The following CYB561A3 variants were observed in gnomAD, a reference collection of about 807,000 sequenced individuals.
CYB561A3 encodes cytochrome b561 family member A3.
In CYB561A3, 16 loss-of-function variants were observed where a neutral mutation model predicts 25.3. That is an observed-to-expected ratio of 0.63 (90% CI 0.43 to 0.96). The LOEUF (loss-of-function observed/expected upper bound fraction) is 0.96. Ranked by LOEUF, CYB561A3 falls within the 40% of genes least tolerant of loss-of-function variation. The pLI is 0.00. For synonymous variants in CYB561A3, 131 were observed against 129.9 expected (o/e 1.01, Z -0.06); for missense variants, 219 against 307.5 (o/e 0.71, Z 2.15).
At position 61,353,777 on chromosome 11, in the gene CYB561A3, A is replaced by C; in HGVS notation, c.393+7T>G. ...GAACCTCGAGGAGGAGAACAGAGAGAACCCACCTGGCAGGCGAAGAGGAAG... is the reference window on the plus strand; with the variant it reads ...GAACCTCGAGGAGGAGAACAGAGAGCACCCACCTGGCAGGCGAAGAGGAAG... On this transcript the variant is annotated splice_region_variant and intron_variant, in intron 4 of 6. Transcript: ENST00000294072. The C allele has an allele frequency of 1.2e-6, 2 of 1,614,128 alleles. No individual in the cohort carries two copies. Among genetic ancestry groups the C allele is most frequent in the Non-Finnish European group, 1.7e-6 (2 of 1,180,024 alleles).
rs1031490842 is a variant in CYB561A3, at chr11:61,350,361, G to A, written c.*38C>T. 6.2e-7 allele frequency: 1 copy of A among 1,602,520 alleles called. No homozygotes were observed. The highest frequency in any genetic ancestry group is 8.5e-7 in the Non-Finnish European group (1 of 1,175,152). ...AGAGCTTCTGAGGGGAGCACAGGCTGCACCACCAGGAGCTCTTGGGAGCCC... is the reference window on the plus strand; with the variant it reads ...AGAGCTTCTGAGGGGAGCACAGGCTACACCACCAGGAGCTCTTGGGAGCCC... On this transcript the variant is annotated 3_prime_UTR_variant, in exon 7 of 7. Transcript: ENST00000294072.
chr11:61,356,235 C>G, intron 3 of CYB561A3: 1 of 396,226 alleles, frequency 2.5e-6, no homozygotes. Flanking sequence ...AATACAGTGG[C>G]AGAGCTGAGT....
intron 6 of CYB561A3, 155 bp downstream of exon 6, chr11:61,350,836 G>T: frequency 9.2e-7 from 1 of 1,083,556 alleles, no homozygotes; most frequent in Non-Finnish European, 1.3e-6. Flanking sequence ...TGGGACCAGT[G>T]CTCCCCATCA....
At chr11:61,352,834 G>C (rs562129021) in intron 5 of CYB561A3, 151 bp downstream of exon 5, 1 of 1,473,124 alleles carries the variant, frequency 6.8e-7, no homozygotes, top group East Asian at 2.4e-5. Context: ...TCAACCTAAA[G>C]AAAGATCAAT....
intron 3 of CYB561A3, 126 bp from the exon 4 acceptor site, chr11:61,354,118 A>T: frequency 2.1e-6 from 2 of 957,268 alleles, no homozygotes; most frequent in Non-Finnish European, 3.1e-6. Context: ...GGGCACTGGT[A>T]TCAACTCCTC....
rs780247040 is a variant in CYB561A3 at position 61,349,548 on chromosome 11, G to T, written c.*851C>A. The T allele has an allele frequency of 2.8e-6, 2 of 702,984 alleles. No homozygotes were observed. Among genetic ancestry groups the T allele is most frequent in the South Asian group, 1.5e-5 (1 of 67,594 alleles). The allele number at this position is 702,984 out of a possible 1,614,324, so 43.5% of individuals were successfully genotyped here. On this transcript the variant is annotated 3_prime_UTR_variant, in exon 7 of 7. Transcript: ENST00000294072. ...ATCTGGGGACAGGCTCTGTTCTTGGGAGAGCAGGTCACCAGGATTTGTAGG... is the reference window on the plus strand; with the variant it reads ...ATCTGGGGACAGGCTCTGTTCTTGGTAGAGCAGGTCACCAGGATTTGTAGG...
intron 3 of CYB561A3, among the ~76,000 whole-genome samples, chr11:61,355,181 C>CT (rs1218460946): frequency 4.6e-5 from 7 of 152,026 alleles, no homozygotes; most frequent in Non-Finnish European, 1.0e-4. Flanking sequence ...CCTCTCCTGT[C>CT]TAACTCTCAA....
chr11:61,353,216 C>G, intron 4 of CYB561A3, 77 bp from the exon 5 acceptor site: 1 of 1,487,396 alleles, frequency 6.7e-7, no homozygotes, highest in Non-Finnish European at 9.0e-7. Context: ...GTGCCTCCTC[C>G]CCATCTCTGC....
chr11:61,353,166 G>C, intron 4 of CYB561A3, 27 bp from the exon 5 acceptor site: 1 of 1,577,554 alleles, frequency 6.3e-7, no homozygotes, highest in Non-Finnish European at 8.6e-7. Flanking sequence ...GGACACACCC[G>C]ACTGTGCTAT....
chr11:61,355,058 C>T (rs1247809924), intron 3 of CYB561A3, among the ~76,000 whole-genome samples: 3 of 151,796 alleles, frequency 2.0e-5, no homozygotes, highest in African/African-American at 7.3e-5. Flanking sequence ...TTAGTAGAGA[C>T]GGGGTTTCAC....
chr11:61,350,675 A>AATCACAC (rs1857359410), intron 6 of CYB561A3: 1 of 599,818 alleles, frequency 1.7e-6, no homozygotes, highest in African/African-American at 1.9e-5. Flanking sequence ...GTAAAGGAGA[A>AATCACAC]ATCACACACC....
chr11:61,357,091 A>G (rs1857678996), intron 2 of CYB561A3: 1 of 1,461,984 alleles, frequency 6.8e-7, no homozygotes, highest in Non-Finnish European at 9.4e-7. Flanking sequence ...CCCCCAGGAA[A>G]AAAGGGACAG....
At position 61,350,288 on chromosome 11, in the gene CYB561A3, T is replaced by G; in HGVS notation, c.*111A>C. ...CCAGGCAAGAAGTCTGGGCCCAGCA[T>G]TGGAAGAAAGTCGCCTGCTGAAACC... On this transcript the variant is annotated 3_prime_UTR_variant, in exon 7 of 7. Coordinates refer to ENST00000294072, the MANE Select transcript of CYB561A3 (RefSeq NM_153611.6). 1.4e-6 allele frequency: 2 copies of G among 1,397,774 alleles called. No individual in the cohort carries two copies. Among genetic ancestry groups the G allele is most frequent in the Non-Finnish European group, 2.0e-6 (2 of 1,022,372 alleles). 86.6% of individuals were successfully genotyped at this position (1,397,774 alleles called of 1,614,324 possible).
rs1857309136 is a variant in CYB561A3 at position 61,349,739 on chromosome 11, C to T, written c.*660G>A. ...AGAGCGGTCAGCTCCTCAGCAGAAG[C>T]TGCGTGGGCCGCCACTCCCCCTTTC... On this transcript the variant is annotated 3_prime_UTR_variant, in exon 7 of 7. Transcript: ENST00000294072. The T allele has an allele frequency of 1.5e-6, 1 of 673,382 alleles. No individual in the cohort carries two copies. Among genetic ancestry groups the T allele is most frequent in the Non-Finnish European group, 2.7e-6 (1 of 366,002 alleles). The allele number at this position is 673,382 out of a possible 1,614,324, so 41.7% of individuals were successfully genotyped here.
intron 5 of CYB561A3, chr11:61,352,141 C>T (rs1359575581): frequency 6.6e-6 from 1 of 152,150 alleles, no homozygotes; most frequent in Non-Finnish European, 1.5e-5. Context: ...CAAGGTCTGA[C>T]CTTAAGTCCT....
rs1293078314 is a variant in CYB561A3, at chr11:61,353,578, G to A, written c.393+206C>T. 6 of 719,994 alleles carry A rather than the reference G, an allele frequency of 8.3e-6. No individual in the cohort carries two copies. The East Asian group carries it at 1.6e-4, about 20-fold the overall frequency. The allele number at this position is 719,994 out of a possible 1,614,324, so 44.6% of individuals were successfully genotyped here. On this transcript the variant is annotated intron_variant, in intron 4 of 6. Transcript: ENST00000294072. ...AGAGAGGGCTCTGGGACGAGAGACG[G>A]GCAATGGGAGGGATAAAAGGAACAG...
At chr11:61,353,621 G>T (rs1230676864) in intron 4 of CYB561A3, 163 bp downstream of exon 4, 2 of 835,548 alleles carry the variant, frequency 2.4e-6, no homozygotes, top group Non-Finnish European at 2.0e-6. Flanking sequence ...TCAGGCCACT[G>T]ACCTCCCACA....
At chr11:61,356,392 T>C in intron 3 of CYB561A3, 138 bp downstream of exon 3, 1 of 976,650 alleles carries the variant, frequency 1.0e-6, no homozygotes. Context: ...AAATGACAGC[T>C]AGGCCCAGAG....
intron 1 of CYB561A3, chr11:61,361,358 G>A (rs1220854205): frequency 6.6e-6 from 1 of 152,174 alleles, no homozygotes; most frequent in African/African-American, 2.4e-5. Context: ...AAGGAGGTAG[G>A]TGAACAAGTT....
Sources: gnomAD v4.1 joint callset for allele counts (sites outside exome capture counted in the v4.1 genomes callset) on GRCh38, gnomAD v4.1.1 for gene constraint, MANE v1.5 for transcripts, NCBI Gene and HGNC (gene_info 2026-07-23, HGNC 2026-07-21) for gene names.